The following DCHS2 variants were observed in gnomAD, a reference collection of about 807,000 sequenced individuals.
The protein encoded by DCHS2 is dachsous cadherin-related 2, also known as protocadherin-23.
A neutral mutation model predicts 182.4 loss-of-function variants in DCHS2; 142 were observed. That is an observed-to-expected ratio of 0.78 (90% CI 0.68 to 0.89). The LOEUF is 0.89. Among genes scored for constraint, DCHS2 ranks in the 40% least tolerant of loss-of-function variants. The pLI, the probability that DCHS2 is intolerant of heterozygous loss-of-function variation, is 0.00. For synonymous variants in DCHS2, 1,740 were observed against 1,663.3 expected (o/e 1.05, Z -1.12); for missense variants, 4,319 against 4,198.6 (o/e 1.03, Z -0.79).
intron 5 of DCHS2, 117 bp from the exon 6 acceptor site, chr4:154,329,827 G>A: frequency 1.1e-6 from 1 of 901,892 alleles, no homozygotes; most frequent in Non-Finnish European, 1.6e-6. Context: ...CGACTTCTAA[G>A]ACCATCTACA....
At chr4:154,266,965 C>T (rs933913835) in intron 14 of DCHS2, among the ~76,000 whole-genome samples, 2 of 152,178 alleles carry the variant, frequency 1.3e-5, no homozygotes, top group Admixed American at 6.5e-5. Context: ...TCAAGCATGT[C>T]GGCAAACCCT....
chr4:154,386,921 A>C (rs1295463043), intron 1 of DCHS2, among the ~76,000 whole-genome samples: 1 of 152,206 alleles, frequency 6.6e-6, no homozygotes, highest in East Asian at 1.9e-4. Context: ...TCATACAATA[A>C]GATCCATAAT....
rs1728707235 is a variant in DCHS2, at chr4:154,489,427, G to GCCCCC, written c.1928_1929insGGGGG (p.Ser644GlyfsTer8). The GCCCCC allele has an allele frequency of 1.3e-6, 2 of 1,551,668 alleles. No homozygotes were observed. The highest frequency in any genetic ancestry group is 3.9e-5 in the Admixed American group (2 of 50,994). ...TGATGCTCACCAGGCAGGTGGCAGAGAGTGGGGGCTCTCCGAGGTCCTGGG... is the reference window on the plus strand; with the variant it reads ...TGATGCTCACCAGGCAGGTGGCAGAGCCCCCAGTGGGGGCTCTCCGAGGTCCTGGG... On this transcript the variant is annotated frameshift_variant, in exon 1 of 20. Coordinates refer to ENST00000357232, the MANE Select transcript of DCHS2 (RefSeq NM_001358235.2). LOFTEE classifies it high-confidence loss of function.
chr4:154,470,090 A>G (rs960727041), intron 1 of DCHS2, among the ~76,000 whole-genome samples: 3 of 152,210 alleles, frequency 2.0e-5, no homozygotes, highest in Admixed American at 2.0e-4. Context: ...TGAGTGAATG[A>G]CAATGAATTA....
rs115169141 is a variant in DCHS2, at chr4:154,380,017, G to A, written c.2053-2573C>T. 9.6e-3 allele frequency among the ~76,000 whole-genome samples: 1,467 copies of A among 152,142 alleles called. 11 individuals are homozygous for A. The highest frequency in any genetic ancestry group is 0.016 in the Non-Finnish European group (1,065 of 68,000). ...ATGGGTTAATTTAATGGGTTAATTC[G>A]AGAGATACTGCTGCAATGTATTATA... On this transcript the variant is annotated intron_variant, in intron 1 of 19. Coordinates refer to ENST00000357232, the MANE Select transcript of DCHS2 (RefSeq NM_001358235.2).
chr4:154,332,641 G>T lies in DCHS2; in HGVS notation c.3567C>A (p.Pro1189=). 6.2e-7 allele frequency: 1 copy of T among 1,614,248 alleles called. No individual in the cohort carries two copies. The highest frequency in any genetic ancestry group is 1.7e-5 in the Admixed American group (1 of 60,030). The change falls in exon 5 of 20, where the codon CCC becomes CCA. Residue 1189 remains proline, a synonymous_variant. Coordinates refer to ENST00000357232, the MANE Select transcript of DCHS2 (RefSeq NM_001358235.2). ...AAAACAACACATCATGCAAGAAGGT[G>T]GGGGAATTGTCATTCTCATCCCAGA... ...VRVWDENDNS[P]TFLHDVLFLK...
chr4:154,349,658 T>C (rs1032918315), intron 3 of DCHS2, among the ~76,000 whole-genome samples: 6 of 152,206 alleles, frequency 3.9e-5, no homozygotes, highest in Non-Finnish European at 2.9e-5. Context: ...TACTATCCTT[T>C]CATGTCTACT....
At chr4:154,317,480 A>T (rs960891183) in intron 9 of DCHS2, among the ~76,000 whole-genome samples, 1 of 152,170 alleles carries the variant, frequency 6.6e-6, no homozygotes, top group Non-Finnish European at 1.5e-5. Context: ...ATTTTGATGA[A>T]ATTTTCCAAC....
intron 7 of DCHS2, among the ~76,000 whole-genome samples, chr4:154,327,353 A>T (rs1226563933): frequency 6.6e-6 from 1 of 152,134 alleles, no homozygotes; most frequent in Non-Finnish European, 1.5e-5. Flanking sequence ...AATACCAGTG[A>T]GTTTCGTATG....
intron 16 of DCHS2, among the ~76,000 whole-genome samples, chr4:154,249,199 T>G (rs1301213789): frequency 6.6e-6 from 1 of 151,990 alleles, no homozygotes; most frequent in Non-Finnish European, 1.5e-5. Flanking sequence ...CTGGCAAAGG[T>G]CTAATATCCA....
intron 1 of DCHS2, among the ~76,000 whole-genome samples, chr4:154,433,764 T>C (rs4696572): frequency 0.3 from 44,991 of 152,108 alleles, 8,076 homozygotes; most frequent in East Asian, 0.69. Context: ...AACGCACTCC[T>C]CTCACTAGGC....
At chr4:154,481,666 T>C (rs980931389) in intron 1 of DCHS2, among the ~76,000 whole-genome samples, 1 of 152,210 alleles carries the variant, frequency 6.6e-6, no homozygotes, top group Non-Finnish European at 1.5e-5. Context: ...TAGGCAGTGC[T>C]CTGTGTCCTG....
intron 9 of DCHS2, among the ~76,000 whole-genome samples, chr4:154,319,656 TAAAAAAAAAAAA>T (rs59154846): frequency 1.7e-5 from 2 of 116,942 alleles, no homozygotes; most frequent in Non-Finnish European, 3.5e-5. Context: ...TGGCTGTTAC[TAAAAAAAAAAAA>T]AAAAAAAAAA....
chr4:154,298,698 A>G lies in DCHS2; in HGVS notation c.5616T>C (p.Thr1872=), dbSNP rs148618734. 1.3e-5 allele frequency: 20 copies of G among 1,568,536 alleles called. No individual in the cohort carries two copies. The highest frequency in any genetic ancestry group is 1.6e-5 in the Non-Finnish European group (19 of 1,161,442). ...AVEYHIIDGN[T]DECFTINEMS... ...TCTCATTTATAGTAAAGCACTCATCAGTATTTCCATCTATTAAAGAAAACA... is the reference window on the plus strand; with the variant it reads ...TCTCATTTATAGTAAAGCACTCATCGGTATTTCCATCTATTAAAGAAAACA... Residue 1872 remains threonine (T), a synonymous_variant, in exon 13 of 20, where the codon ACT becomes ACC. Transcript: ENST00000357232.
Position 154,332,824 on chromosome 4 carries a change from T to C in DCHS2, c.3384A>G (p.Val1128=). 6.2e-7 allele frequency: 1 copy of C among 1,614,218 alleles called. No homozygotes were observed. The highest frequency in any genetic ancestry group is 8.5e-7 in the Non-Finnish European group (1 of 1,180,038). The change falls in exon 5 of 20, where the codon GTA becomes GTG. Residue 1128 remains valine, a synonymous_variant. Transcript: ENST00000357232. The part of the protein sequence containing the change: ...SPLRYSLEPS[V]DSAMFGIRPY... ...GGCGGATTCCAAACATAGCAGAGTC[T>C]ACGCTGGGTTCCAGCGAGTACCTAA...
chr4:154,351,322 G>A (rs1196041088), intron 3 of DCHS2, among the ~76,000 whole-genome samples: 1 of 152,122 alleles, frequency 6.6e-6, no homozygotes, highest in East Asian at 1.9e-4. Context: ...AAATTTGGAG[G>A]GGGTTGTAGT....
intron 10 of DCHS2, among the ~76,000 whole-genome samples, chr4:154,311,336 A>G (rs916648197): frequency 1.3e-5 from 2 of 152,124 alleles, no homozygotes; most frequent in Admixed American, 6.5e-5. Context: ...GGCTCAAGCC[A>G]TCCTTCTACT....
chr4:154,361,164 G>A (rs1323208027), intron 3 of DCHS2, among the ~76,000 whole-genome samples: 1 of 152,100 alleles, frequency 6.6e-6, no homozygotes, highest in Non-Finnish European at 1.5e-5. Flanking sequence ...ACCAATGGTT[G>A]CCTGAATAAA....
chr4:154,263,686 G>GAAAAAAAAAAAAA (rs200534854), intron 14 of DCHS2, among the ~76,000 whole-genome samples: 1 of 103,946 alleles, frequency 9.6e-6, no homozygotes, highest in Non-Finnish European at 2.1e-5. Context: ...GGCCATTATT[G>GAAAAAAAAAAAAA]AAAAAAAAAA....
Sources: gnomAD v4.1 joint callset for allele counts (sites outside exome capture counted in the v4.1 genomes callset) on GRCh38, gnomAD v4.1.1 for gene constraint, MANE v1.5 for transcripts, NCBI Gene and HGNC (gene_info 2026-07-23, HGNC 2026-07-21) for gene names.